The following MYH16 variants were observed in gnomAD, a reference collection of about 807,000 sequenced individuals.
MYH16 encodes the protein myosin heavy chain 16, also known as putative uncharacterized protein MYH16.
intron 21 of MYH16, among the ~76,000 whole-genome samples, chr7:99,278,690 G>A (rs146699295): frequency 1.3e-5 from 2 of 152,092 alleles, no homozygotes; most frequent in East Asian, 3.8e-4. Context: ...CCCTGGAAGG[G>A]GCCCAATTCC....
chr7:99,246,985 G>A (rs1554476580), intron 2 of MYH16, among the ~76,000 whole-genome samples: 2 of 152,038 alleles, frequency 1.3e-5, no homozygotes, highest in Non-Finnish European at 2.9e-5. Flanking sequence ...ATCATAAATC[G>A]ACTTTCAATA....
intron 18 of MYH16, among the ~76,000 whole-genome samples, chr7:99,268,505 C>G (rs1433586800): frequency 3.3e-5 from 5 of 152,222 alleles, no homozygotes; most frequent in Non-Finnish European, 7.3e-5. Context: ...CCGTTTACCA[C>G]CTGGCCAAAC....
chr7:99,258,383 T>A (rs1427653898), exon 11 of MYH16: 1 of 156,618 alleles, frequency 6.4e-6, no homozygotes, highest in Admixed American at 6.5e-5. Flanking sequence ...GGCTTTGAGA[T>A]CTTTGAGGTG....
At chr7:99,287,894 C>G (rs367993359) in exon 29 of MYH16, 1 of 455,124 alleles carries the variant, frequency 2.2e-6, no homozygotes, top group South Asian at 1.6e-5. Context: ...TACCCCAGAT[C>G]GAGCAGAACC....
chr7:99,243,230 C>G (rs1791687624), intron 1 of MYH16: 1 of 152,856 alleles, frequency 6.5e-6, no homozygotes, highest in Admixed American at 6.5e-5. Context: ...GCCAGATGCC[C>G]CATGCCCCAT....
At chr7:99,276,456 AG>A (rs1188357827) in intron 20 of MYH16, among the ~76,000 whole-genome samples, 1 of 152,220 alleles carries the variant, frequency 6.6e-6, no homozygotes, top group Non-Finnish European at 1.5e-5. Flanking sequence ...AAGGGATGGG[AG>A]GGAGGTCTTT....
intron 29 of MYH16, 38 bp downstream of exon 10, chr7:99,288,175 C>T: frequency 2.2e-6 from 1 of 451,360 alleles, no homozygotes; most frequent in Non-Finnish European, 4.5e-6. Context: ...CAGTGGCTCA[C>T]TCCTGTAATC....
chr7:99,289,609 A>G (rs966002168), intron 30 of MYH16, among the ~76,000 whole-genome samples: 1 of 152,212 alleles, frequency 6.6e-6, no homozygotes, highest in Admixed American at 6.5e-5. Flanking sequence ...GCATTTTCGT[A>G]TCCATTCTCT....
chr7:99,239,725 G>A (rs1167728275), intron 1 of MYH16, among the ~76,000 whole-genome samples: 1 of 152,198 alleles, frequency 6.6e-6, no homozygotes, highest in Non-Finnish European at 1.5e-5. Flanking sequence ...ACCTTGGGTA[G>A]CTTGCTATCA....
At chr7:99,281,029 C>A (rs1218669460) in intron 23 of MYH16, 49 bp downstream of exon 5, 1 of 317,158 alleles carries the variant, frequency 3.2e-6, no homozygotes, top group South Asian at 2.4e-5. Context: ...GAGCTTGGCA[C>A]AATGTGCTTT....
intron 36 of MYH16, 113 bp downstream of exon 17, chr7:99,298,108 A>G (rs1164507696): frequency 1.0e-5 from 4 of 390,786 alleles, no homozygotes; most frequent in Non-Finnish European, 2.0e-5. Context: ...ATTCAGGTGA[A>G]CCTTGCTGAA....
intron 9 of MYH16, among the ~76,000 whole-genome samples, chr7:99,256,589 C>T (rs575010269): frequency 1.3e-5 from 2 of 152,318 alleles, no homozygotes; most frequent in African/African-American, 4.8e-5. Flanking sequence ...GCCTGACCAA[C>T]ATGGTGAAAC....
At chr7:99,256,516 G>A (rs943869319) in intron 9 of MYH16, among the ~76,000 whole-genome samples, 1 of 152,038 alleles carries the variant, frequency 6.6e-6, no homozygotes, top group African/African-American at 2.4e-5. Context: ...GCCCACAGCT[G>A]TAATCCCAGC....
At chr7:99,242,992 T>C (rs563159070) in intron 1 of MYH16, among the ~76,000 whole-genome samples, 2 of 152,102 alleles carry the variant, frequency 1.3e-5, no homozygotes, top group Non-Finnish European at 2.9e-5. Flanking sequence ...GTCATAGTTT[T>C]TAAGGTATTT....
chr7:99,292,823 G>A (rs1792407822), intron 32 of MYH16, among the ~76,000 whole-genome samples: 1 of 152,164 alleles, frequency 6.6e-6, no homozygotes, highest in South Asian at 2.1e-4. Context: ...AGCCAGGCAT[G>A]GTGGCACGTG....
exon 34 of MYH16, chr7:99,296,751 G>A: frequency 2.2e-6 from 1 of 456,780 alleles, no homozygotes; most frequent in Non-Finnish European, 4.4e-6. Flanking sequence ...TCTTTGACAA[G>A]ATGCTGGCTG....
chr7:99,280,162 C>T (rs1189127945), intron 22 of MYH16, among the ~76,000 whole-genome samples: 2 of 152,182 alleles, frequency 1.3e-5, no homozygotes, highest in African/African-American at 4.8e-5. Flanking sequence ...CATGGGCCAC[C>T]ATACCCAGCC....
At chr7:99,280,074 T>C (rs959933301) in intron 22 of MYH16, among the ~76,000 whole-genome samples, 4 of 152,190 alleles carry the variant, frequency 2.6e-5, no homozygotes, top group Non-Finnish European at 5.9e-5. Context: ...GGTTTCGCCA[T>C]GTTGGCCAGA....
downstream of MYH16, among the ~76,000 whole-genome samples, chr7:99,308,511 G>A (rs1214236870): frequency 6.6e-6 from 1 of 152,022 alleles, no homozygotes; most frequent in Non-Finnish European, 1.5e-5. Context: ...GAAGCAAAAG[G>A]AAAATGAGGG....
Sources: gnomAD v4.1 joint callset for allele counts (sites outside exome capture counted in the v4.1 genomes callset) on GRCh38, gnomAD v4.1.1 for gene constraint, MANE v1.5 for transcripts, NCBI Gene and HGNC (gene_info 2026-07-23, HGNC 2026-07-21) for gene names.